Variants in PRKCZ observed in about 807,000 individuals in gnomAD.
PRKCZ encodes protein kinase C zeta type.
PRKCZ carries 33 observed loss-of-function variants against 79.5 expected under a neutral mutation model. The observed-to-expected ratio is 0.41, with a 90% CI of 0.31 to 0.55. The LOEUF is 0.55. PRKCZ is among the 20% of genes least tolerant of loss of function. The pLI is 0.19. For missense variants in PRKCZ, 578 were observed against 813.5 expected (o/e 0.71, Z 3.52); for synonymous variants, 342 against 320.9 (o/e 1.07, Z -0.70).
intron 4 of PRKCZ, among the ~76,000 whole-genome samples, chr1:2,085,265 C>T (rs757093266): frequency 5.9e-5 from 9 of 152,272 alleles, no homozygotes; most frequent in Non-Finnish European, 1.3e-4. Context: ...TCCGCCCTAC[C>T]TGGCGTGGGC....
At chr1:2,051,596 A>G (rs1028830856) in intron 1 of PRKCZ, among the ~76,000 whole-genome samples, 2 of 152,152 alleles carry the variant, frequency 1.3e-5, no homozygotes, top group South Asian at 2.1e-4. Flanking sequence ...TGGGATCTCG[A>G]AAAGCTGCTC....
chr1:2,176,594 G>C (rs549812836), intron 16 of PRKCZ, among the ~76,000 whole-genome samples: 8 of 152,242 alleles, frequency 5.3e-5, no homozygotes, highest in Non-Finnish European at 1.2e-4. Context: ...TGGATAGCTC[G>C]TTCAGTGCAT....
At chr1:2,136,819 G>C (rs1256873862) in intron 5 of PRKCZ, among the ~76,000 whole-genome samples, 2 of 152,140 alleles carry the variant, frequency 1.3e-5, no homozygotes, top group Admixed American at 1.3e-4. Flanking sequence ...GCAGAACACA[G>C]CACCACTAAC....
intron 4 of PRKCZ, among the ~76,000 whole-genome samples, chr1:2,065,764 A>T (rs527666002): frequency 3.3e-5 from 5 of 151,264 alleles, no homozygotes; most frequent in Non-Finnish European, 7.4e-5. Context: ...TCAGGTTTTC[A>T]TCACTGAGTG....
At position 2,050,627 on chromosome 1, in the gene PRKCZ, C is replaced by T; in HGVS notation, c.-4C>T. ...AGCGCTGACGGCGGCGGGGGGAGCGCGCCATGCCCAGCAGGACCGGCCCCA... is the reference window on the plus strand; with the variant it reads ...AGCGCTGACGGCGGCGGGGGGAGCGTGCCATGCCCAGCAGGACCGGCCCCA... On this transcript the variant is annotated 5_prime_UTR_variant, in exon 1 of 18. Transcript: ENST00000378567. The T allele has an allele frequency of 8.2e-7, 1 of 1,224,620 alleles. No individual in the cohort carries two copies. The highest frequency in any genetic ancestry group is 1.0e-6 in the Non-Finnish European group (1 of 983,060). 75.9% of individuals were successfully genotyped at this position (1,224,620 alleles called of 1,614,324 possible).
chr1:2,116,504 TTC>T (rs751575409), intron 4 of PRKCZ, among the ~76,000 whole-genome samples: 5 of 152,190 alleles, frequency 3.3e-5, no homozygotes, highest in Non-Finnish European at 7.3e-5. Context: ...TGCAAACAGC[TTC>T]TGTCACTCCG....
chr1:2,101,447 C>A (rs985562654), intron 4 of PRKCZ, among the ~76,000 whole-genome samples: 6 of 152,216 alleles, frequency 3.9e-5, no homozygotes, highest in Non-Finnish European at 5.9e-5. Context: ...CAGGGACAAC[C>A]CCTGGTGCGA....
At position 2,094,397 on chromosome 1, in the gene PRKCZ, C is replaced by T. The variant is rs552820300; in HGVS notation, c.334+34806C>T. On this transcript the variant is annotated intron_variant, in intron 4 of 17. Transcript: ENST00000378567. The surrounding 1 kb of genome is among the most constrained non-coding windows in gnomAD (Gnocchi z 7.3). ...TGGGCACTGCCCATTCTGAGGCGCC[C>T]GCTGTGCCCGGCTCGTTGAACCTTG... Among the ~76,000 whole-genome samples the T allele has an allele frequency of 7.2e-5, 11 of 151,874 alleles. No individual in the cohort carries two copies. Among genetic ancestry groups the T allele is most frequent in the East Asian group, 3.9e-4 (2 of 5,132 alleles).
chr1:2,056,582 C>CGG lies in PRKCZ; in HGVS notation c.283+12_283+13dup. 1 of 1,611,442 alleles carries CGG rather than the reference C, an allele frequency of 6.2e-7. No individual in the cohort carries two copies. Among genetic ancestry groups the CGG allele is most frequent in the Non-Finnish European group, 8.5e-7 (1 of 1,178,432 alleles). Reference sequence around the variant, plus strand: ...AGGCCTCATCATTCATGGTTAGTGGCGGGGTCTGTGGTGGGCAGCTCTGGG... The same window carrying CGG: ...AGGCCTCATCATTCATGGTTAGTGGCGGGGGGTCTGTGGTGGGCAGCTCTGGG... On this transcript the variant is annotated intron_variant, in intron 3 of 17. Transcript: ENST00000378567.
intron 9 of PRKCZ, 123 bp downstream of exon 9, chr1:2,151,101 A>C: frequency 8.4e-7 from 1 of 1,194,854 alleles, no homozygotes. Flanking sequence ...GAGTTTGTGC[A>C]AAATCAATAG....
At chr1:2,118,577 T>G (rs1391785053) in intron 4 of PRKCZ, among the ~76,000 whole-genome samples, 1 of 152,024 alleles carries the variant, frequency 6.6e-6, no homozygotes, top group Non-Finnish European at 1.5e-5. Context: ...GACCTCCTGA[T>G]CCGCCTGCTT....
At chr1:2,110,586 C>T (rs949921882) in intron 4 of PRKCZ, among the ~76,000 whole-genome samples, 1 of 152,218 alleles carries the variant, frequency 6.6e-6, no homozygotes. Context: ...CCCCCAAGTC[C>T]CTGGAGTCCC....
intron 4 of PRKCZ, among the ~76,000 whole-genome samples, chr1:2,131,948 A>G (rs1675050526): frequency 6.6e-6 from 1 of 151,980 alleles, no homozygotes; most frequent in Non-Finnish European, 1.5e-5. Flanking sequence ...AGTAGTTGGG[A>G]CTACAGGCGC....
In PRKCZ at chr1:2,178,374, C is replaced by G. The variant is rs537138354; in HGVS notation, c.1575+3061C>G. ...AGTAGCACGTGGCACTGCCTCCTTC[C>G]TGCGCTGAACCCCACCCACTGCGTC... On this transcript the variant is annotated intron_variant, in intron 16 of 17. Coordinates refer to ENST00000378567, the MANE Select transcript of PRKCZ (RefSeq NM_002744.6). The surrounding 1 kb of genome is among the most constrained non-coding windows in gnomAD (Gnocchi z 4.3). Among the ~76,000 whole-genome samples the G allele has an allele frequency of 9.2e-5, 14 of 152,350 alleles. No individual in the cohort carries two copies. In the East Asian group the frequency reaches 2.7e-3, roughly 29 times the overall value.
At chr1:2,161,282 G>A (rs543591151) in intron 10 of PRKCZ, among the ~76,000 whole-genome samples, 5 of 152,260 alleles carry the variant, frequency 3.3e-5, no homozygotes, top group African/African-American at 9.6e-5. Context: ...TAGCACTTCC[G>A]GAGCAGGACG....
chr1:2,109,624 A>G (rs1291004969), intron 4 of PRKCZ, among the ~76,000 whole-genome samples: 2 of 152,192 alleles, frequency 1.3e-5, no homozygotes, highest in African/African-American at 4.8e-5. Flanking sequence ...GGACATGGAG[A>G]GTCCCGGCCG....
In PRKCZ at chr1:2,173,385, C is replaced by T. The variant is rs1180897543; in HGVS notation, c.1286-512C>T. Reference sequence around the variant, plus strand: ...CCTCAGCAGGGACCAGGGGGACTTCCGGGGACGCAGAGACAGCTGCTGTCC... The same window carrying T: ...CCTCAGCAGGGACCAGGGGGACTTCTGGGGACGCAGAGACAGCTGCTGTCC... On this transcript the variant is annotated intron_variant, in intron 13 of 17. Coordinates refer to ENST00000378567, the MANE Select transcript of PRKCZ (RefSeq NM_002744.6). This position sits in a 1 kb window ranked among gnomAD's most constrained non-coding sequence, Gnocchi z 5.7. Among the ~76,000 whole-genome samples, 4 of 152,100 alleles carry T rather than the reference C, an allele frequency of 2.6e-5. No homozygotes were observed. The highest frequency in any genetic ancestry group is 2.1e-4 in the South Asian group (1 of 4,828).
chr1:2,104,110 C>T (rs779659821), intron 4 of PRKCZ, among the ~76,000 whole-genome samples: 6 of 151,812 alleles, frequency 4.0e-5, no homozygotes, highest in Non-Finnish European at 7.4e-5. Context: ...AGGTCTTGAG[C>T]GCGCCTGTAA....
chr1:2,070,949 T>C (rs1661522979), intron 4 of PRKCZ, among the ~76,000 whole-genome samples: 3 of 150,618 alleles, frequency 2.0e-5, no homozygotes, highest in African/African-American at 7.4e-5. Flanking sequence ...CCCTGTAGCC[T>C]AGGGCAGAGA....
Sources: gnomAD v4.1 joint callset for allele counts (sites outside exome capture counted in the v4.1 genomes callset) on GRCh38, gnomAD v4.1.1 for gene constraint, Gnocchi (gnomAD v3.1) non-coding constraint, MANE v1.5 for transcripts, NCBI Gene and HGNC (gene_info 2026-07-23, HGNC 2026-07-21) for gene names.